The following AGBL4 variants were observed in gnomAD, a reference collection of about 807,000 sequenced individuals.
AGBL4 encodes AGBL carboxypeptidase 4, also known as cytosolic carboxypeptidase 6.
In AGBL4, 58 loss-of-function variants were observed where a neutral mutation model predicts 66.4. The observed-to-expected ratio is 0.87, with a 90% CI of 0.71 to 1.09. The LOEUF (loss-of-function observed/expected upper bound fraction) is 1.09. Among genes scored for constraint, AGBL4 ranks in the 50% least tolerant of loss-of-function variants. The probability of loss-of-function intolerance (pLI) is 0.00; values close to 1 mark genes in which losing one functional copy is unlikely to be tolerated. For missense variants in AGBL4, 579 were observed against 631.0 expected (o/e 0.92, Z 0.88); for synonymous variants, 234 against 222.9 (o/e 1.05, Z -0.44).
At chr1:49,803,824 C>G (rs910691177) in intron 2 of AGBL4, among the ~76,000 whole-genome samples, 4 of 152,100 alleles carry the variant, frequency 2.6e-5, no homozygotes, top group Non-Finnish European at 5.9e-5. Flanking sequence ...TTAATAAACC[C>G]AGTTTTTCTA....
intron 6 of AGBL4, among the ~76,000 whole-genome samples, chr1:48,823,747 C>G (rs1646365918): frequency 6.6e-6 from 1 of 152,116 alleles, no homozygotes; most frequent in Non-Finnish European, 1.5e-5. Context: ...TCCCAGTGGC[C>G]AACACAAAAT....
intron 6 of AGBL4, among the ~76,000 whole-genome samples, chr1:48,706,605 C>T (rs1646883830): frequency 6.6e-6 from 1 of 151,664 alleles, no homozygotes; most frequent in Admixed American, 6.6e-5. Context: ...GAAAAAGAAC[C>T]AAAAAGAAAC....
intron 3 of AGBL4, among the ~76,000 whole-genome samples, chr1:49,621,058 G>A (rs1207129374): frequency 1.3e-5 from 2 of 152,124 alleles, no homozygotes; most frequent in Admixed American, 6.5e-5. Context: ...TATGAATGTT[G>A]TCTATTCCCA....
At chr1:48,687,557 C>G (rs1646555350) in intron 6 of AGBL4, among the ~76,000 whole-genome samples, 1 of 152,180 alleles carries the variant, frequency 6.6e-6, no homozygotes, top group Admixed American at 6.5e-5. Flanking sequence ...ATGTTCTGGT[C>G]TGGTGATCTC....
chr1:49,888,926 C>CA (rs1334978423), intron 1 of AGBL4, among the ~76,000 whole-genome samples: 2 of 151,930 alleles, frequency 1.3e-5, no homozygotes, highest in African/African-American at 4.8e-5. Flanking sequence ...TACAAAATAA[C>CA]AAAAAACAAA....
At chr1:49,755,013 C>G (rs1008627347) in intron 2 of AGBL4, among the ~76,000 whole-genome samples, 2 of 152,160 alleles carry the variant, frequency 1.3e-5, no homozygotes, top group African/African-American at 4.8e-5. Context: ...AGATGGTAAT[C>G]TGCTTTACTC....
chr1:49,756,490 A>G (rs1205704981), intron 2 of AGBL4, among the ~76,000 whole-genome samples: 1 of 152,210 alleles, frequency 6.6e-6, no homozygotes. Context: ...TAATAACATG[A>G]AAGAATGCTA....
chr1:48,681,617 T>C (rs142303736), intron 6 of AGBL4, among the ~76,000 whole-genome samples: 4 of 152,186 alleles, frequency 2.6e-5, no homozygotes, highest in Non-Finnish European at 5.9e-5. Flanking sequence ...AAGTCCTTGA[T>C]GGAATCAGCC....
chr1:49,503,984 C>T (rs898242361), intron 3 of AGBL4, among the ~76,000 whole-genome samples: 1 of 151,982 alleles, frequency 6.6e-6, no homozygotes, highest in Admixed American at 6.5e-5. Flanking sequence ...AGGGCTGGGA[C>T]AAAATGATAT....
chr1:49,167,803 T>C (rs777850343), intron 4 of AGBL4, among the ~76,000 whole-genome samples: 7 of 152,226 alleles, frequency 4.6e-5, no homozygotes, highest in Non-Finnish European at 8.8e-5. Flanking sequence ...AACACTCTCA[T>C]CATCTGTCTG....
intron 3 of AGBL4, among the ~76,000 whole-genome samples, chr1:49,453,480 C>G (rs1429438520): frequency 6.6e-6 from 1 of 151,708 alleles, no homozygotes; most frequent in African/African-American, 2.4e-5. Flanking sequence ...TTCAACCCTA[C>G]TTCATCCCCT....
chr1:48,664,357 G>A (rs769647885), intron 6 of AGBL4, among the ~76,000 whole-genome samples: 35 of 152,192 alleles, frequency 2.3e-4, no homozygotes, highest in Non-Finnish European at 3.7e-4. Flanking sequence ...GGGTCACACA[G>A]GGCTAAGAAT....
intron 3 of AGBL4, among the ~76,000 whole-genome samples, chr1:49,553,263 A>G (rs1417765185): frequency 1.3e-5 from 2 of 152,196 alleles, no homozygotes; most frequent in Non-Finnish European, 2.9e-5. Context: ...GCAAATTAAT[A>G]CATCTCTCTG....
chr1:48,534,016 A>G lies in AGBL4; in HGVS notation c.*157T>C. The G allele has an allele frequency of 8.0e-7, 1 of 1,247,984 alleles. No individual in the cohort carries two copies. The highest frequency in any genetic ancestry group is 1.5e-5 in the African/African-American group (1 of 66,400). 77.3% of individuals were successfully genotyped at this position (1,247,984 alleles called of 1,614,324 possible). On this transcript the variant is annotated 3_prime_UTR_variant, in exon 14 of 14. Transcript: ENST00000371839. ...AATTGATTTTCCATTGGAAAAAGGG[A>G]AAATCAGTGATGAAGTTTCTCATTG...
intron 3 of AGBL4, among the ~76,000 whole-genome samples, chr1:49,571,150 T>C (rs1316289287): frequency 1.3e-5 from 2 of 151,920 alleles, no homozygotes; most frequent in South Asian, 2.1e-4. Context: ...ATGAGAAAGA[T>C]TGTATTGAAT....
chr1:49,295,983 CTT>C (rs1379966199), intron 3 of AGBL4, among the ~76,000 whole-genome samples: 8 of 152,164 alleles, frequency 5.3e-5, no homozygotes, highest in Non-Finnish European at 1.2e-4. Flanking sequence ...GACAACGTAT[CTT>C]TGTCTAGAGA....
intron 1 of AGBL4, among the ~76,000 whole-genome samples, chr1:49,947,225 C>T (rs116319175): frequency 0.011 from 1,668 of 151,676 alleles, 28 homozygotes; most frequent in African/African-American, 0.039. Flanking sequence ...ACCAAAACCA[C>T]GGAAGCACAT....
chr1:49,919,426 C>T (rs1651956921), intron 1 of AGBL4, among the ~76,000 whole-genome samples: 1 of 152,130 alleles, frequency 6.6e-6, no homozygotes, highest in Non-Finnish European at 1.5e-5. Context: ...AAATCACAAG[C>T]ATTCTTATAC....
chr1:49,868,661 C>A (rs1008205164), intron 1 of AGBL4, among the ~76,000 whole-genome samples: 3 of 152,062 alleles, frequency 2.0e-5, no homozygotes, highest in African/African-American at 7.2e-5. Flanking sequence ...TAGAAGAAAA[C>A]CTAGGCAATA....
Sources: gnomAD v4.1 joint callset for allele counts (sites outside exome capture counted in the v4.1 genomes callset) on GRCh38, gnomAD v4.1.1 for gene constraint, MANE v1.5 for transcripts, NCBI Gene and HGNC (gene_info 2026-07-23, HGNC 2026-07-21) for gene names.